The following GLYATL1 variants were observed in gnomAD, a reference collection of about 807,000 sequenced individuals.
The protein encoded by GLYATL1 is glycine-N-acyltransferase like 1, also known as glycine N-acyltransferase-like protein 1.
In GLYATL1, 15 loss-of-function variants were observed where a neutral mutation model predicts 20.0. That is an observed-to-expected ratio of 0.75 (90% confidence interval 0.50 to 1.15). GLYATL1 has a LOEUF of 1.15. GLYATL1 is among the 50% of genes most tolerant of loss of function. The pLI is 0.00. For missense variants in GLYATL1, 380 were observed against 368.5 expected (o/e 1.03, Z -0.26); for synonymous variants, 151 against 131.5 (o/e 1.15, Z -1.01).
chr11:58,909,524 T>TA (rs1156880613), downstream of GLYATL1, among the ~76,000 whole-genome samples: 2 of 152,220 alleles, frequency 1.3e-5, no homozygotes, highest in African/African-American at 4.8e-5. Flanking sequence ...GTACATTAGT[T>TA]ACGCATTCTG....
chr11:58,912,107 C>G (rs1007941630), downstream of GLYATL1, among the ~76,000 whole-genome samples: 12 of 152,146 alleles, frequency 7.9e-5, no homozygotes, highest in African/African-American at 2.7e-4. Context: ...CAATCTTGAA[C>G]AAGTATATTC....
At position 58,950,855 on chromosome 11, in the gene GLYATL1, T is replaced by G. The variant is rs563203383; in HGVS notation, c.186+2890T>G. On this transcript the variant is annotated intron_variant, in intron 4 of 6. Coordinates refer to ENST00000532726, the MANE Select transcript of GLYATL1 (RefSeq NM_001389712.2). ...ATTTTCATGTTTCTCGGTCATTTGG[T>G]GTTTACTTTTGACCTGTTTATATTC... Among the ~76,000 whole-genome samples, 16 of 152,272 alleles carry G rather than the reference T, an allele frequency of 1.1e-4. 1 individual carries two copies. Among genetic ancestry groups the G allele is most frequent in the Admixed American group, 1.0e-3 (16 of 15,296 alleles).
At chr11:58,944,135 C>T (rs1856392893) in intron 2 of GLYATL1, among the ~76,000 whole-genome samples, 1 of 152,162 alleles carries the variant, frequency 6.6e-6, no homozygotes, top group South Asian at 2.1e-4. Flanking sequence ...AATGGCAAAA[C>T]ATTACTAAAG....
intron 1 of GLYATL1, chr11:58,916,983 T>C (rs973257173): frequency 1.1e-4 from 16 of 152,164 alleles, no homozygotes; most frequent in Admixed American, 1.0e-3. Context: ...AGCAGTTTGA[T>C]TGGTTGTTGA....
At chr11:58,949,783 A>G (rs1483206458) in intron 4 of GLYATL1, among the ~76,000 whole-genome samples, 1 of 152,092 alleles carries the variant, frequency 6.6e-6, no homozygotes, top group Admixed American at 6.5e-5. Flanking sequence ...TTCAGTATTG[A>G]AAGTCAATCT....
At chr11:58,922,078 G>A (rs1396075715) in intron 1 of GLYATL1, among the ~76,000 whole-genome samples, 1 of 152,180 alleles carries the variant, frequency 6.6e-6, no homozygotes, top group East Asian at 1.9e-4. Context: ...CTCTGTGGGT[G>A]CTGAAACTGG....
chr11:58,945,193 C>T lies in GLYATL1; in HGVS notation c.-43+1527C>T, dbSNP rs76050539. ...ATGTATACAATACCGCTGCATTGTA[C>T]GCTTAAAAATGGTTAAACGGTTAGT... On this transcript the variant is annotated intron_variant, in intron 2 of 6. Transcript: ENST00000532726. 8.8e-3 allele frequency among the ~76,000 whole-genome samples: 1,344 copies of T among 151,952 alleles called. 19 individuals carry two copies. Among genetic ancestry groups the T allele is most frequent in the African/African-American group, 0.022 (909 of 41,434 alleles).
chr11:58,954,757 T>C lies in GLYATL1; in HGVS notation c.187-13T>C, dbSNP rs781695110. The C allele has an allele frequency of 2.5e-6, 4 of 1,583,878 alleles. No homozygotes were observed. The highest frequency in any genetic ancestry group is 1.2e-5 in the South Asian group (1 of 85,446). On this transcript the variant is annotated splice_polypyrimidine_tract_variant and intron_variant, in intron 4 of 6. Transcript: ENST00000532726. ...TTCAAGGGAATGACCTGATCTTATA[T>C]CATCCAATACAGGAGATGACTGATG... is the stretch of plus-strand genomic sequence containing the variant.
intron 1 of GLYATL1, among the ~76,000 whole-genome samples, chr11:58,914,859 C>T (rs1223112864): frequency 1.3e-5 from 2 of 152,172 alleles, no homozygotes; most frequent in Non-Finnish European, 2.9e-5. Context: ...TATGTACCTT[C>T]TGGTGCATTA....
upstream of GLYATL1, among the ~76,000 whole-genome samples, chr11:58,936,476 T>A (rs1381238154): frequency 2.0e-5 from 3 of 152,202 alleles, no homozygotes; most frequent in African/African-American, 7.2e-5. Flanking sequence ...TTTCAGGAAG[T>A]TAGGCAGGTG....
chr11:58,949,499 A>T (rs1367852952), intron 4 of GLYATL1, among the ~76,000 whole-genome samples: 1 of 152,222 alleles, frequency 6.6e-6, no homozygotes, highest in African/African-American at 2.4e-5. Context: ...AGATAACTGT[A>T]GGAAGTCAAA....
At chr11:58,942,434 A>G (rs1032697889) in intron 1 of GLYATL1, 1 of 152,212 alleles carries the variant, frequency 6.6e-6, no homozygotes, top group Non-Finnish European at 1.5e-5. Context: ...GAGGCCATGA[A>G]GAATTTTCTC....
intron 4 of GLYATL1, among the ~76,000 whole-genome samples, chr11:58,952,158 G>T (rs1476519905): frequency 6.6e-6 from 1 of 152,070 alleles, no homozygotes; most frequent in African/African-American, 2.4e-5. Flanking sequence ...TTTTCCTGTT[G>T]CTCCTACTTT....
chr11:58,906,618 T>C (rs1854893468), intron 1 of GLYATL1, among the ~76,000 whole-genome samples: 2 of 152,194 alleles, frequency 1.3e-5, no homozygotes, highest in African/African-American at 4.8e-5. Flanking sequence ...GCACTACATG[T>C]GCCTAGCAAG....
chr11:58,943,878 G>A (rs1305937628), intron 2 of GLYATL1, among the ~76,000 whole-genome samples: 5 of 152,120 alleles, frequency 3.3e-5, no homozygotes, highest in Non-Finnish European at 7.3e-5. Flanking sequence ...GTAGTAAGCA[G>A]TAATGTTGCA....
chr11:58,905,602 G>A (rs1854848693), exon 1 of GLYATL1: 1 of 456,306 alleles, frequency 2.2e-6, no homozygotes. Flanking sequence ...GCTTCCACTG[G>A]GAGACAGGGG....
chr11:58,916,796 T>G (rs986632038), intron 1 of GLYATL1, among the ~76,000 whole-genome samples: 2 of 152,188 alleles, frequency 1.3e-5, no homozygotes, highest in Non-Finnish European at 2.9e-5. Context: ...AACAAAAGAA[T>G]GAAGCAATGT....
intron 1 of GLYATL1, among the ~76,000 whole-genome samples, chr11:58,929,734 C>T (rs1412840709): frequency 1.3e-5 from 2 of 152,202 alleles, no homozygotes; most frequent in African/African-American, 2.4e-5. Context: ...GTGCAGATCA[C>T]TACTCATCTA....
intron 1 of GLYATL1, among the ~76,000 whole-genome samples, chr11:58,922,389 T>G (rs1333476315): frequency 6.6e-6 from 1 of 152,168 alleles, no homozygotes; most frequent in East Asian, 1.9e-4. Flanking sequence ...AACTGGTAAA[T>G]GAAGGTTTGT....
Sources: gnomAD v4.1 joint callset for allele counts (sites outside exome capture counted in the v4.1 genomes callset) on GRCh38, gnomAD v4.1.1 for gene constraint, MANE v1.5 for transcripts, NCBI Gene and HGNC (gene_info 2026-07-23, HGNC 2026-07-21) for gene names.